The following ROS1 variants were observed in gnomAD, a reference collection of about 807,000 sequenced individuals.
ROS1 encodes proto-oncogene tyrosine-protein kinase ROS.
In ROS1, 263 loss-of-function variants were observed where a neutral mutation model predicts 273.5. The observed-to-expected ratio is 0.96, with a 90% CI of 0.87 to 1.06. The LOEUF is 1.06. Among genes scored for constraint, ROS1 ranks in the 50% least tolerant of loss-of-function variants. The probability of loss-of-function intolerance (pLI) is 0.00; values close to 1 mark genes in which losing one functional copy is unlikely to be tolerated. For missense variants in ROS1, 2,833 were observed against 2,751.1 expected (o/e 1.03, Z -0.67); for synonymous variants, 1,008 against 954.1 (o/e 1.06, Z -1.04).
chr6:117,343,247 T>C (rs189096889), intron 28 of ROS1, among the ~76,000 whole-genome samples: 2 of 152,310 alleles, frequency 1.3e-5, no homozygotes, highest in East Asian at 3.9e-4. Context: ...TATCTGAAAT[T>C]ACTTATTTTA....
At chr6:117,304,010 A>G (rs1774926251) in intron 42 of ROS1, among the ~76,000 whole-genome samples, 1 of 152,220 alleles carries the variant, frequency 6.6e-6, no homozygotes, top group South Asian at 2.1e-4. Context: ...TTGGTACACC[A>G]TATCAGAATA....
At chr6:117,298,161 C>A (rs550368341) in intron 43 of ROS1, among the ~76,000 whole-genome samples, 1 of 147,814 alleles carries the variant, frequency 6.8e-6, no homozygotes, top group African/African-American at 2.4e-5. Flanking sequence ...AGGATTGAAA[C>A]AATGTGTACA....
intron 32 of ROS1, among the ~76,000 whole-genome samples, chr6:117,333,349 T>G (rs1338788277): frequency 6.6e-6 from 1 of 152,030 alleles, no homozygotes; most frequent in Admixed American, 6.5e-5. Context: ...GAGGCAGTAA[T>G]TAATAGACTA....
intron 13 of ROS1, among the ~76,000 whole-genome samples, chr6:117,388,850 C>G (rs1772813883): frequency 6.6e-6 from 1 of 152,146 alleles, no homozygotes; most frequent in Non-Finnish European, 1.5e-5. Context: ...AACTGAGACA[C>G]AGAGTGGTTT....
At chr6:117,346,132 G>A (rs1778355287) in intron 27 of ROS1, among the ~76,000 whole-genome samples, 2 of 152,138 alleles carry the variant, frequency 1.3e-5, no homozygotes, top group African/African-American at 2.4e-5. Context: ...TGAGCAATCA[G>A]AGCAATTATC....
At chr6:117,391,602 T>C (rs1176784863) in intron 12 of ROS1, among the ~76,000 whole-genome samples, 2 of 152,366 alleles carry the variant, frequency 1.3e-5, no homozygotes, top group African/African-American at 4.8e-5. Context: ...TTCACACATC[T>C]GATGTCCTTT....
chr6:117,296,681 G>A (rs1004745507), intron 43 of ROS1, among the ~76,000 whole-genome samples: 1 of 152,124 alleles, frequency 6.6e-6, no homozygotes, highest in African/African-American at 2.4e-5. Context: ...CAGGGTGGGG[G>A]AGTTGGGGAT....
intron 34 of ROS1, among the ~76,000 whole-genome samples, chr6:117,325,117 C>T (rs1488201819): frequency 6.6e-6 from 1 of 152,074 alleles, no homozygotes; most frequent in African/African-American, 2.4e-5. Context: ...TAGCAAACTT[C>T]TGTACACAAC....
At chr6:117,354,694 A>C (rs774878152) in intron 26 of ROS1, among the ~76,000 whole-genome samples, 3 of 152,220 alleles carry the variant, frequency 2.0e-5, no homozygotes, top group Non-Finnish European at 4.4e-5. Flanking sequence ...TTTTAATTAC[A>C]GGTTTATGAA....
chr6:117,352,787 C>A (rs1370344451), intron 27 of ROS1, among the ~76,000 whole-genome samples: 25 of 152,128 alleles, frequency 1.6e-4, no homozygotes, highest in Admixed American at 1.4e-3. Context: ...CCCACCACAC[C>A]CTGAGCTGTG....
At chr6:117,318,298 C>T in intron 37 of ROS1, 46 bp from the exon 38 acceptor site, 1 of 1,413,454 alleles carries the variant, frequency 7.1e-7, no homozygotes, top group Non-Finnish European at 1.0e-6. Flanking sequence ...GCAGACATTT[C>T]TGTGAGCTCA....
Position 117,335,764 on chromosome 6 carries a change from C to A in ROS1, c.5230+1408G>T, listed in dbSNP as rs761529433. ...GAGAACAAAACAGCACGTGTTCTCA[C>A]TCATAAGTGGGAGTTGAACATTGAG... On this transcript the variant is annotated intron_variant, in intron 32 of 43. Transcript: ENST00000368507. 7.8e-4 allele frequency among the ~76,000 whole-genome samples: 118 copies of A among 152,220 alleles called. No homozygotes were observed. The Middle Eastern group carries it at 0.01, about 13-fold the overall frequency.
intron 1 of ROS1, among the ~76,000 whole-genome samples, chr6:117,420,221 C>A (rs1473355948): frequency 6.6e-6 from 1 of 151,766 alleles, no homozygotes; most frequent in Non-Finnish European, 1.5e-5. Flanking sequence ...TAATCTCCAC[C>A]AAAATCACAT....
intron 27 of ROS1, among the ~76,000 whole-genome samples, chr6:117,346,046 T>C (rs3798379): frequency 0.15 from 23,017 of 152,180 alleles, 1,785 homozygotes; most frequent in South Asian, 0.17. Context: ...GAACCACTCT[T>C]CAGTTCAACC....
rs1017159175 is a variant in ROS1 at position 117,287,550 on chromosome 6, C to T, written c.*942G>A. On this transcript the variant is annotated 3_prime_UTR_variant, in exon 44 of 44. Coordinates refer to ENST00000368507, the MANE Select transcript of ROS1 (RefSeq NM_001378902.1). ...AAAACTTCAGGACTTAAAAGATCTTCACAGTCTTATTTTCAACATGACTGA... is the reference window on the plus strand; with the variant it reads ...AAAACTTCAGGACTTAAAAGATCTTTACAGTCTTATTTTCAACATGACTGA... 6.6e-6 allele frequency among the ~76,000 whole-genome samples: 1 copy of T among 152,194 alleles called. No individual in the cohort carries two copies. Among genetic ancestry groups the T allele is most frequent in the Non-Finnish European group, 1.5e-5 (1 of 68,048 alleles).
Position 117,385,846 on chromosome 6 carries a change from T to C in ROS1, c.2126A>G (p.Asn709Ser), listed in dbSNP as rs868736129. The C allele has an allele frequency of 6.2e-6, 10 of 1,613,916 alleles. No individual in the cohort carries two copies. In the African/African-American group the frequency reaches 1.1e-4, roughly 17 times the overall value. ...CGTGTCACTGTAGTAGAGGCTGTTG[T>C]TATACCAATCCATGTCTCAAAATAA... ...IGNVSDMDWY[N>S]NSLYYSDTKG... The change falls in exon 16 of 44, where the codon AAC becomes AGC. Residue 709 changes from asparagine to serine, a missense_variant. Asn to Ser is a conservative substitution (Grantham distance 46). Transcript: ENST00000368507.
Position 117,356,526 on chromosome 6 carries a change from CAT to C in ROS1, c.4126+101_4126+102del. 1.9e-6 allele frequency: 2 copies of C among 1,029,768 alleles called. 1 individual carries two copies. Among genetic ancestry groups the C allele is most frequent in the South Asian group, 3.4e-5 (2 of 59,304 alleles). The allele number at this position is 1,029,768 out of a possible 1,614,324, so 63.8% of individuals were successfully genotyped here. On this transcript the variant is annotated intron_variant, in intron 26 of 43. Transcript: ENST00000368507. ...ACTTGGCATGGTACAGAGCAAATAT[CAT>C]GTGTATATTTGAGTATACGCGGAAT...
intron 17 of ROS1, among the ~76,000 whole-genome samples, chr6:117,379,566 A>C (rs9401001): frequency 0.57 from 86,670 of 151,912 alleles, 25,404 homozygotes; most frequent in African/African-American, 0.7. Context: ...ACTCTGGCCT[A>C]TTTAGCAACA....
chr6:117,334,262 A>T (rs372282352), intron 32 of ROS1, among the ~76,000 whole-genome samples: 2 of 152,324 alleles, frequency 1.3e-5, no homozygotes, highest in East Asian at 1.9e-4. Context: ...CAAAGAGAAT[A>T]AAATACCTAC....
Sources: gnomAD v4.1 joint callset for allele counts (sites outside exome capture counted in the v4.1 genomes callset) on GRCh38, gnomAD v4.1.1 for gene constraint, MANE v1.5 for transcripts, NCBI Gene and HGNC (gene_info 2026-07-23, HGNC 2026-07-21) for gene names.